MBD3: variants seen among roughly 807,000 people sequenced by gnomAD.
The protein encoded by MBD3 is methyl-CpG-binding domain protein 3.
In MBD3, 13 loss-of-function variants were observed where a neutral mutation model predicts 31.2. The observed-to-expected ratio is 0.42, with a 90% CI of 0.27 to 0.66. MBD3 has a LOEUF of 0.66. MBD3 is among the 30% of genes least tolerant of loss of function. The pLI, the probability that MBD3 is intolerant of heterozygous loss-of-function variation, is 0.26. For synonymous variants in MBD3, 223 were observed against 187.4 expected, an observed-to-expected ratio of 1.19 and a Z score of -1.55; for missense variants, 440 against 426.5, an observed-to-expected ratio of 1.03 and a Z score of -0.28.
rs1480773869 is a variant in MBD3, at chr19:1,576,750, C to G, written c.*1414G>C. On this transcript the variant is annotated 3_prime_UTR_variant, in exon 7 of 7. Transcript: ENST00000434436. ...CCCACGGCTCCCTCCACCAGGCAGA[C>G]AGAGGGGAGGCCACCCCACTGCAAA... 1 of 152,352 alleles carries G rather than the reference C, an allele frequency of 6.6e-6. No homozygotes were observed. Among genetic ancestry groups the G allele is most frequent in the African/African-American group, 2.4e-5 (1 of 41,470 alleles). The allele number at this position is 152,352 out of a possible 1,614,324, so 9.4% of individuals were successfully genotyped here. A position where few individuals can be genotyped will look rare whatever the true frequency, so the allele number is the denominator to read the frequency against.
At chr19:1,582,532 C>T (rs2060657587) in intron 4 of MBD3, 90 bp downstream of exon 4, 2 of 1,251,624 alleles carry the variant, frequency 1.6e-6, no homozygotes, top group Non-Finnish European at 2.3e-6. Flanking sequence ...CAGGAACAGC[C>T]ATCCACCCTG....
In MBD3 at chr19:1,585,317, C is replaced by T; in HGVS notation, c.111-103G>A. On this transcript the variant is annotated intron_variant, in intron 1 of 6. Transcript: ENST00000434436. This position sits in a 1 kb window ranked among gnomAD's most constrained non-coding sequence, Gnocchi z 4.1. Reference sequence around the variant, plus strand: ...CAGTCCCAGCCCCAGCTTCAGGTCGCGACCCCAGCCCCAGACCCCAACACG... The same window carrying T: ...CAGTCCCAGCCCCAGCTTCAGGTCGTGACCCCAGCCCCAGACCCCAACACG... 7.5e-7 allele frequency: 1 copy of T among 1,339,226 alleles called. No individual in the cohort carries two copies. The highest frequency in any genetic ancestry group is 1.0e-6 in the Non-Finnish European group (1 of 984,358). 83.0% of individuals were successfully genotyped at this position (1,339,226 alleles called of 1,614,324 possible).
Position 1,581,091 on chromosome 19 carries a change from C to T in MBD3, c.677+1G>A, listed in dbSNP as rs1289406004. 1 of 1,614,136 alleles carries T rather than the reference C, an allele frequency of 6.2e-7. No homozygotes were observed. On this transcript the variant is annotated splice_donor_variant, in intron 5 of 6. Transcript: ENST00000434436. LOFTEE classifies it high-confidence loss of function. ...AGCAGGGGACCAGGCCAAGGGGCTA[C>T]CTGATGTCCTCGTCGGTCACCATGA... is the stretch of plus-strand genomic sequence containing the variant.
In MBD3 at chr19:1,581,151, T is replaced by A; in HGVS notation, c.618A>T (p.Val206=). The change falls in exon 5 of 7, where the codon GTA becomes GTT. Residue 206 remains valine (V), a synonymous_variant. Coordinates refer to ENST00000434436, the MANE Select transcript of MBD3 (RefSeq NM_001281453.2). ...ACAGGGGCTGCGTGGTGTTGAGCCA[T>A]ACGCCGGGGTTCTTCTCCACGGCGG... ...LSAAVEKNPG[V]WLNTTQPLCK... 6.2e-7 allele frequency: 1 copy of A among 1,614,136 alleles called. No homozygotes were observed.
Position 1,585,308 on chromosome 19 carries a change from T to TTCA in MBD3, c.111-97_111-95dup. 1 of 1,415,298 alleles carries TTCA rather than the reference T, an allele frequency of 7.1e-7. No homozygotes were observed. The highest frequency in any genetic ancestry group is 2.1e-5 in the Admixed American group (1 of 48,544). 87.7% of individuals were successfully genotyped at this position (1,415,298 alleles called of 1,614,324 possible). A position where few individuals can be genotyped will look rare whatever the true frequency, so the allele number is the denominator to read the frequency against. ...ACCCAAACCCAGTCCCAGCCCCAGCTTCAGGTCGCGACCCCAGCCCCAGAC... is the reference window on the plus strand; with the variant it reads ...ACCCAAACCCAGTCCCAGCCCCAGCTTCATCAGGTCGCGACCCCAGCCCCAGAC... On this transcript the variant is annotated intron_variant, in intron 1 of 6. Coordinates refer to ENST00000434436, the MANE Select transcript of MBD3 (RefSeq NM_001281453.2). This position sits in a 1 kb window ranked among gnomAD's most constrained non-coding sequence, Gnocchi z 4.1.
intron 2 of MBD3, 143 bp downstream of exon 2, chr19:1,584,912 T>G (rs2060671124): frequency 7.9e-7 from 1 of 1,266,102 alleles, no homozygotes; most frequent in African/African-American, 1.5e-5. Flanking sequence ...CCCTGTGGCC[T>G]GCGCCTTCCG....
chr19:1,584,773 C>T (rs1007256155), intron 2 of MBD3, 96 bp from the exon 3 acceptor site: 10 of 1,318,668 alleles, frequency 7.6e-6, no homozygotes, highest in Middle Eastern at 2.6e-4. Context: ...GCTTTGCCGG[C>T]GCCCCTCGTG....
At position 1,584,547 on chromosome 19, in the gene MBD3, G is replaced by T; in HGVS notation, c.401C>A (p.Pro134Gln). 6.2e-7 allele frequency: 1 copy of T among 1,613,398 alleles called. No individual in the cohort carries two copies. Among genetic ancestry groups the T allele is most frequent in the Non-Finnish European group, 8.5e-7 (1 of 1,179,858 alleles). Reference sequence around the variant, plus strand: ...GCTGTGCGTTGAGCTCACCTGGCGCGGCTGGTCCACCGCCTTCTGCGGGTC... The same window carrying T: ...GCTGTGCGTTGAGCTCACCTGGCGCTGCTGGTCCACCGCCTTCTGCGGGTC... ...KSDPQKAVDQ[P>Q]RQLFWEKKLS... The change falls in exon 3 of 7, where the codon CCG (proline) becomes CAG (glutamine). Residue 134 changes from proline to glutamine, a missense_variant. Physicochemically the swap from Pro to Gln is moderately conservative, Grantham distance 76. Transcript: ENST00000434436.
Position 1,577,999 on chromosome 19 carries a change from G to A in MBD3, c.*165C>T, listed in dbSNP as rs1302452842. 6.8e-6 allele frequency: 3 copies of A among 443,138 alleles called. No individual in the cohort carries two copies. The highest frequency in any genetic ancestry group is 2.0e-5 in the African/African-American group (1 of 50,380). 27.5% of individuals were successfully genotyped at this position (443,138 alleles called of 1,614,324 possible). Reference sequence around the variant, plus strand: ...GGCAGCCCCAGCTGTGTGCCCCGAGGCCCCGGGAAGTGGGGACGGGCCGAG... The same window carrying A: ...GGCAGCCCCAGCTGTGTGCCCCGAGACCCCGGGAAGTGGGGACGGGCCGAG... On this transcript the variant is annotated 3_prime_UTR_variant, in exon 7 of 7. Transcript: ENST00000434436.
chr19:1,585,251 CCCCAGACCCCAAA>C lies in MBD3; in HGVS notation c.111-50_111-38del. The stretch of plus-strand genomic sequence containing the variant: ...CGGGACGGTCGGCGCCCCGGGCGGA[CCCCAGACCCCAAA>C]CCCAGGCCTCGGCCGCAGACCCAAA... On this transcript the variant is annotated intron_variant, in intron 1 of 6. Coordinates refer to ENST00000434436, the MANE Select transcript of MBD3 (RefSeq NM_001281453.2). The surrounding 1 kb of genome is among the most constrained non-coding windows in gnomAD (Gnocchi z 4.1). 6.5e-7 allele frequency: 1 copy of C among 1,542,994 alleles called. No homozygotes were observed. Among genetic ancestry groups the C allele is most frequent in the Non-Finnish European group, 8.7e-7 (1 of 1,151,028 alleles).
chr19:1,578,520 C>T lies in MBD3; in HGVS notation c.696G>A (p.Val232=). ...DEDIRKQEEL[V]QQVRKRLEEA... The stretch of plus-strand genomic sequence containing the variant: ...CCTCCAGCCGCTTCCGCACCTGCTG[C>T]ACCAGCTCTTCCTGCTTCCTGGGGA... The change falls in exon 6 of 7, where the codon GTG becomes GTA. Residue 232 remains valine, a synonymous_variant. Coordinates refer to ENST00000434436, the MANE Select transcript of MBD3 (RefSeq NM_001281453.2). The surrounding 1 kb of genome is among the most constrained non-coding windows in gnomAD (Gnocchi z 6.1). The T allele has an allele frequency of 6.2e-7, 1 of 1,612,442 alleles. No individual in the cohort carries two copies. Among genetic ancestry groups the T allele is most frequent in the East Asian group, 2.2e-5 (1 of 44,868 alleles).
chr19:1,589,361 A>C, intron 1 of MBD3, among the ~76,000 whole-genome samples: 1 of 149,776 alleles, frequency 6.7e-6, no homozygotes, highest in Non-Finnish European at 1.5e-5. Context: ...AAAAAAAAAA[A>C]AAAAAAAGAA....
rs1264003378 is a variant in MBD3 at position 1,585,483 on chromosome 19, C to T, written c.111-269G>A. 2.0e-6 allele frequency: 1 copy of T among 490,326 alleles called. No individual in the cohort carries two copies. The highest frequency in any genetic ancestry group is 3.7e-6 in the Non-Finnish European group (1 of 267,080). The allele number at this position is 490,326 out of a possible 1,614,324, so 30.4% of individuals were successfully genotyped here. A position where few individuals can be genotyped will look rare whatever the true frequency, so the allele number is the denominator to read the frequency against. On this transcript the variant is annotated intron_variant, in intron 1 of 6. Transcript: ENST00000434436. This position sits in a 1 kb window ranked among gnomAD's most constrained non-coding sequence, Gnocchi z 4.1. The stretch of plus-strand genomic sequence containing the variant: ...GCCAGCCAGACCCAGAGCACTGGCC[C>T]CGATCCTCACACCCTGGCCCTAGCC...
chr19:1,589,960 G>A (rs139303950), intron 1 of MBD3, among the ~76,000 whole-genome samples: 1 of 152,310 alleles, frequency 6.6e-6, no homozygotes, highest in Non-Finnish European at 1.5e-5. Context: ...AGGGTGATGA[G>A]AATGTTCTGG....
At chr19:1,584,946 A>G (rs1035042937) in intron 2 of MBD3, 109 bp downstream of exon 2, 3 of 1,459,266 alleles carry the variant, frequency 2.1e-6, no homozygotes, top group Non-Finnish European at 1.9e-6. Flanking sequence ...GCCCGCTGTG[A>G]CCTCCTGCGC....
At chr19:1,591,797 G>C (rs2060704900) in intron 1 of MBD3, among the ~76,000 whole-genome samples, 1 of 152,034 alleles carries the variant, frequency 6.6e-6, no homozygotes, top group East Asian at 1.9e-4. Flanking sequence ...GGTTCCCTGC[G>C]ACCTTTCAGA....
At position 1,575,094 on chromosome 19, in the gene MBD3, T is replaced by G. The variant is rs1353953174; in HGVS notation, c.*3070A>C. On this transcript the variant is annotated 3_prime_UTR_variant, in exon 7 of 7. Coordinates refer to ENST00000434436, the MANE Select transcript of MBD3 (RefSeq NM_001281453.2). ...GGCGGCAGCGGTGGGGAGCTTGGTC[T>G]GAGGGGAGGCGGGGGACACGTGAGG... 2.6e-6 allele frequency: 1 copy of G among 385,022 alleles called. No individual in the cohort carries two copies. Among genetic ancestry groups the G allele is most frequent in the Admixed American group, 2.8e-5 (1 of 35,740 alleles). 23.9% of individuals were successfully genotyped at this position (385,022 alleles called of 1,614,324 possible).
rs1917281135 is a variant in MBD3 at position 1,578,928 on chromosome 19, A to T, written c.678-390T>A. ...AGGCCAGGTAGAGGCTCATGCCTGT[A>T]ATCCCAGCACTTTGGGAGGCCGAGG... On this transcript the variant is annotated intron_variant, in intron 5 of 6. Transcript: ENST00000434436. The surrounding 1 kb of genome is among the most constrained non-coding windows in gnomAD (Gnocchi z 6.1). Among the ~76,000 whole-genome samples, 1 of 152,136 alleles carries T rather than the reference A, an allele frequency of 6.6e-6. No individual in the cohort carries two copies. Among genetic ancestry groups the T allele is most frequent in the African/African-American group, 2.4e-5 (1 of 41,440 alleles).
rs1472035031 is a variant in MBD3, at chr19:1,573,828, CCT to C, written c.*4334_*4335del. ...TTGCCCGTGGCCAACATGGTGAAAC[CCT>C]GTCTCTACTAAAAGTACAAAGATTA... is the stretch of plus-strand genomic sequence containing the variant. On this transcript the variant is annotated 3_prime_UTR_variant, in exon 7 of 7. Coordinates refer to ENST00000434436, the MANE Select transcript of MBD3 (RefSeq NM_001281453.2). 5 of 152,084 alleles carry C rather than the reference CCT, an allele frequency of 3.3e-5. No homozygotes were observed. Among genetic ancestry groups the C allele is most frequent in the South Asian group, 2.1e-4 (1 of 4,820 alleles). The allele number at this position is 152,084 out of a possible 1,614,324, so 9.4% of individuals were successfully genotyped here. A position where few individuals can be genotyped will look rare whatever the true frequency, so the allele number is the denominator to read the frequency against.
Sources: gnomAD v4.1 joint callset for allele counts (sites outside exome capture counted in the v4.1 genomes callset) on GRCh38, gnomAD v4.1.1 for gene constraint, Gnocchi (gnomAD v3.1) non-coding constraint, MANE v1.5 for transcripts, NCBI Gene and HGNC (gene_info 2026-07-23, HGNC 2026-07-21) for gene names.